C5AR1: variants seen among roughly 807,000 people sequenced by gnomAD.
C5AR1 encodes the protein C5a anaphylatoxin chemotactic receptor 1.
A neutral mutation model predicts 2.4 loss-of-function variants in C5AR1; 4 were observed. The ratio of observed to expected loss-of-function variants is 1.65; its 90% CI spans 0.81 to 3.77. The LOEUF (loss-of-function observed/expected upper bound fraction) is 3.77, where lower values mean the gene tolerates loss of function less well. Ranked by LOEUF, C5AR1 falls within the 30% of genes most tolerant of loss-of-function variation. The probability of loss-of-function intolerance (pLI) is 0.01; values close to 1 mark genes in which losing one functional copy is unlikely to be tolerated. For missense variants in C5AR1, 418 were observed against 462.5 expected, an observed-to-expected ratio of 0.90 and a Z score of 0.88; for synonymous variants, 209 against 210.4, an observed-to-expected ratio of 0.99 and a Z score of 0.06.
In C5AR1 at chr19:47,321,075, C is replaced by T. The variant is rs202025426; in HGVS notation, c.*245C>T. Reference sequence around the variant, plus strand: ...CACCCCCCACCCCCCCCACACACACCATCTTTCCATCCCAGGCTTTTGAAA... The same window carrying T: ...CACCCCCCACCCCCCCCACACACACTATCTTTCCATCCCAGGCTTTTGAAA... On this transcript the variant is annotated 3_prime_UTR_variant, in exon 2 of 2. Coordinates refer to ENST00000355085, the MANE Select transcript of C5AR1 (RefSeq NM_001736.4). The T allele has an allele frequency of 3.5e-6, 1 of 288,238 alleles. No individual in the cohort carries two copies. The highest frequency in any genetic ancestry group is 6.1e-6 in the Non-Finnish European group (1 of 163,170). 17.9% of individuals were successfully genotyped at this position (288,238 alleles called of 1,614,324 possible). A position where few individuals can be genotyped will look rare whatever the true frequency, so the allele number is the denominator to read the frequency against.
chr19:47,316,200 G>T (rs1482160137), intron 1 of C5AR1, among the ~76,000 whole-genome samples: 2 of 151,934 alleles, frequency 1.3e-5, no homozygotes, highest in Non-Finnish European at 2.9e-5. Flanking sequence ...TGGAGATGGG[G>T]TTTCACTATG....
At chr19:47,318,443 G>C (rs1005016469) in intron 1 of C5AR1, among the ~76,000 whole-genome samples, 1 of 151,276 alleles carries the variant, frequency 6.6e-6, no homozygotes, top group African/African-American at 2.4e-5. Flanking sequence ...ACAGGTGCCC[G>C]CCACCACGCC....
chr19:47,309,582 AAAAAAAAAATG>A (rs2059263573), upstream of C5AR1, among the ~76,000 whole-genome samples: 1 of 151,630 alleles, frequency 6.6e-6, no homozygotes, highest in African/African-American at 2.4e-5. Context: ...CAAAAAAAAA[AAAAAAAAAATG>A]AGAGAGAAGA....
In C5AR1 at chr19:47,320,026, C is replaced by T. The variant is rs778753784; in HGVS notation, c.249C>T (p.Phe83=). The change falls in exon 2 of 2, where the codon TTC becomes TTT. Residue 83 remains phenylalanine (F), a synonymous_variant. Transcript: ENST00000355085. The surrounding 1 kb of genome is among the most constrained non-coding windows in gnomAD (Gnocchi z 4.9). Reference sequence around the variant, plus strand: ...TCCTCAACTTGGCGGTAGCCGACTTCCTCTCCTGCCTGGCGCTGCCCATCT... The same window carrying T: ...TCCTCAACTTGGCGGTAGCCGACTTTCTCTCCTGCCTGGCGCTGCCCATCT... ...IWFLNLAVAD[F]LSCLALPILF... The T allele has an allele frequency of 6.2e-7, 1 of 1,614,126 alleles. No homozygotes were observed. The highest frequency in any genetic ancestry group is 1.3e-5 in the African/African-American group (1 of 74,952).
Position 47,320,255 on chromosome 19 carries a change from G to T in C5AR1, c.478G>T (p.Ala160Ser). The change falls in exon 2 of 2, where the codon GCT becomes TCT. Residue 160 changes from alanine to serine, a missense_variant. Transcript: ENST00000355085. This position sits in a 1 kb window ranked among gnomAD's most constrained non-coding sequence, Gnocchi z 4.9. The stretch of plus-strand genomic sequence containing the variant: ...CTTGGCCTGGATCGCCTGTGCCGTG[G>T]CTTGGGGTTTAGCCCTGCTGCTGAC... ...AGLAWIACAV[A>S]WGLALLLTIP... 6.2e-7 allele frequency: 1 copy of T among 1,613,848 alleles called. No homozygotes were observed.
At chr19:47,316,618 T>G (rs2059289616) in intron 1 of C5AR1, 1 of 152,186 alleles carries the variant, frequency 6.6e-6, no homozygotes, top group Non-Finnish European at 1.5e-5. Flanking sequence ...TTTTGTATTT[T>G]TAATGGCCTT....
intron 1 of C5AR1, among the ~76,000 whole-genome samples, chr19:47,318,050 A>G (rs1428930876): frequency 6.6e-6 from 1 of 151,500 alleles, no homozygotes; most frequent in African/African-American, 2.4e-5. Flanking sequence ...TACAGCTCTC[A>G]GTATTTCCAG....
Position 47,315,823 on chromosome 19 carries a change from C to T in C5AR1, c.4-3958C>T, listed in dbSNP as rs1358104823. ...GTGAAAATATTTTTAAAAATGTTAA[C>T]CTTCTATTTGGAAATATTTTCAAAC... On this transcript the variant is annotated intron_variant, in intron 1 of 1. Coordinates refer to ENST00000355085, the MANE Select transcript of C5AR1 (RefSeq NM_001736.4). Among the ~76,000 whole-genome samples, 4 of 151,906 alleles carry T rather than the reference C, an allele frequency of 2.6e-5. No homozygotes were observed. The East Asian group carries it at 7.7e-4, about 29-fold the overall frequency.
rs1468582076 is a variant in C5AR1 at position 47,320,770 on chromosome 19, G to A, written c.993G>A (p.Glu331=). 1.2e-6 allele frequency: 2 copies of A among 1,614,162 alleles called. No individual in the cohort carries two copies. Among genetic ancestry groups the A allele is most frequent in the Non-Finnish European group, 1.7e-6 (2 of 1,180,032 alleles). The change falls in exon 2 of 2, where the codon GAG becomes GAA. Residue 331 remains glutamate, a synonymous_variant. Coordinates refer to ENST00000355085, the MANE Select transcript of C5AR1 (RefSeq NM_001736.4). The surrounding 1 kb of genome is among the most constrained non-coding windows in gnomAD (Gnocchi z 4.9). ...NVLTEESVVR[E]SKSFTRSTVD... is the part of the protein sequence containing the mutation. The stretch of plus-strand genomic sequence containing the variant: ...TGACTGAAGAGTCCGTGGTTAGGGA[G>A]AGCAAGTCATTCACGCGCTCCACAG...
chr19:47,310,401 CAG>C (rs1266726790), intron 1 of C5AR1, among the ~76,000 whole-genome samples: 3 of 152,186 alleles, frequency 2.0e-5, no homozygotes, highest in African/African-American at 7.2e-5. Flanking sequence ...ACAGGCCTTC[CAG>C]GCAGTGGGAA....
chr19:47,320,161 C>T lies in C5AR1; in HGVS notation c.384C>T (p.Ala128=). The part of the protein sequence containing the change: ...LNMYASILLL[A]TISADRFLLV... The stretch of plus-strand genomic sequence containing the variant: ...TGTACGCCAGCATCCTGCTCCTGGC[C>T]ACCATCAGCGCCGACCGCTTTCTGC... Residue 128 remains alanine (A), a synonymous_variant, in exon 2 of 2, where the codon GCC becomes GCT. Transcript: ENST00000355085. The surrounding 1 kb of genome is among the most constrained non-coding windows in gnomAD (Gnocchi z 4.9). The T allele has an allele frequency of 6.2e-7, 1 of 1,614,220 alleles. No homozygotes were observed. Among genetic ancestry groups the T allele is most frequent in the Middle Eastern group, 1.6e-4 (1 of 6,062 alleles).
intron 1 of C5AR1, among the ~76,000 whole-genome samples, chr19:47,314,728 A>G (rs1221089882): frequency 7.5e-6 from 1 of 133,596 alleles, no homozygotes. Context: ...GAGTCTCGCT[A>G]TGTTGCCCAG....
At chr19:47,310,579 C>T (rs1309090069) in intron 1 of C5AR1, among the ~76,000 whole-genome samples, 2 of 152,184 alleles carry the variant, frequency 1.3e-5, no homozygotes, top group African/African-American at 4.8e-5. Flanking sequence ...CAGTCTTGAA[C>T]TCTTGGGCTC....
upstream of C5AR1, chr19:47,307,691 C>T (rs1208173107): frequency 3.9e-5 from 6 of 152,152 alleles, no homozygotes; most frequent in Non-Finnish European, 4.4e-5. Flanking sequence ...ACAGCAGCCT[C>T]GGGAAGGTAA....
At chr19:47,311,489 C>T (rs974976841) in intron 1 of C5AR1, among the ~76,000 whole-genome samples, 2 of 151,376 alleles carry the variant, frequency 1.3e-5, no homozygotes, top group Non-Finnish European at 2.9e-5. Context: ...AGCCTGGCAA[C>T]AGGGCCATCT....
At chr19:47,309,673 C>T (rs113573918), upstream of C5AR1, among the ~76,000 whole-genome samples, 1,499 of 152,090 alleles carry the variant, frequency 9.9e-3, 30 homozygotes, top group African/African-American at 0.034. Context: ...CTCGGTTTTC[C>T]GAGCGCCGGC....
intron 1 of C5AR1, among the ~76,000 whole-genome samples, chr19:47,317,537 G>C (rs4337400): frequency 0.98 from 144,642 of 148,210 alleles, 70,612 homozygotes; most frequent in East Asian, 1. Context: ...TATATATATA[G>C]TGGTTCAGGG....
At chr19:47,317,832 T>C (rs2059294971) in intron 1 of C5AR1, among the ~76,000 whole-genome samples, 1 of 151,546 alleles carries the variant, frequency 6.6e-6, no homozygotes, top group South Asian at 2.1e-4. Flanking sequence ...AATACAAAAA[T>C]TAGCAGGGTG....
chr19:47,310,984 A>G (rs1178649858), intron 1 of C5AR1, among the ~76,000 whole-genome samples: 1 of 152,186 alleles, frequency 6.6e-6, no homozygotes, highest in Non-Finnish European at 1.5e-5. Flanking sequence ...CTGGGCACTG[A>G]GCCAGCAGAG....
Sources: gnomAD v4.1 joint callset for allele counts (sites outside exome capture counted in the v4.1 genomes callset) on GRCh38, gnomAD v4.1.1 for gene constraint, Gnocchi (gnomAD v3.1) non-coding constraint, MANE v1.5 for transcripts, NCBI Gene and HGNC (gene_info 2026-07-23, HGNC 2026-07-21) for gene names.